Variants in TMEM237 observed in about 807,000 individuals in gnomAD.
The protein encoded by TMEM237 is transmembrane protein 237.
Under a neutral mutation model 59.1 loss-of-function variants are expected in TMEM237, and 51 were observed. The observed-to-expected ratio is 0.86, with a 90% CI of 0.69 to 1.09. TMEM237 has a LOEUF of 1.09. Among genes scored for constraint, TMEM237 ranks in the 50% least tolerant of loss-of-function variants. TMEM237 has a pLI of 0.00. For synonymous variants in TMEM237, 140 were observed against 166.1 expected, an observed-to-expected ratio of 0.84 and a Z score of 1.21; for missense variants, 475 against 478.3, an observed-to-expected ratio of 0.99 and a Z score of 0.06.
Position 201,643,415 on chromosome 2 carries a change from G to C in TMEM237, c.-15C>G. ...TCAGTCCTCATGGTGCTCTCCCCGC[G>C]GGGCTGCCCCGGCGCAACCGCCGGC... On this transcript the variant is annotated 5_prime_UTR_variant, in exon 1 of 13. Coordinates refer to ENST00000409883, the MANE Select transcript of TMEM237 (RefSeq NM_001044385.3). This position sits in a 1 kb window ranked among gnomAD's most constrained non-coding sequence, Gnocchi z 4.3. 1.3e-6 allele frequency: 2 copies of C among 1,500,930 alleles called. No homozygotes were observed. The highest frequency in any genetic ancestry group is 1.8e-6 in the Non-Finnish European group (2 of 1,123,822). The allele number at this position is 1,500,930 out of a possible 1,614,324, so 93.0% of individuals were successfully genotyped here. A position where few individuals can be genotyped will look rare whatever the true frequency, so the allele number is the denominator to read the frequency against.
At chr2:201,636,504 TTC>T (rs1270167193) in intron 5 of TMEM237, 4 of 390,206 alleles carry the variant, frequency 1.0e-5, no homozygotes, top group African/African-American at 6.3e-5. Context: ...GATCTGAACT[TTC>T]TGTTTAGTCC....
Position 201,620,349 on chromosome 2 carries a change from T to C in TMEM237, c.*3906A>G, listed in dbSNP as rs180747501. The stretch of plus-strand genomic sequence containing the variant: ...AAGGACCAACTCAAAGGTCAGCTTT[T>C]AGTTAACTCTTATATCCCCATACAC... On this transcript the variant is annotated 3_prime_UTR_variant, in exon 13 of 13. Coordinates refer to ENST00000409883, the MANE Select transcript of TMEM237 (RefSeq NM_001044385.3). The C allele has an allele frequency of 1.3e-5, 2 of 152,342 alleles. No homozygotes were observed. Among genetic ancestry groups the C allele is most frequent in the East Asian group, 1.9e-4 (1 of 5,194 alleles). 9.4% of individuals were successfully genotyped at this position (152,342 alleles called of 1,614,324 possible).
At chr2:201,628,040 G>A (rs1243603107) in intron 10 of TMEM237, 36 bp downstream of exon 10, 5 of 1,451,610 alleles carry the variant, frequency 3.4e-6, no homozygotes, top group African/African-American at 1.4e-5. Context: ...TATAACTGAA[G>A]TATTACACAG....
At position 201,643,221 on chromosome 2, in the gene TMEM237, A is replaced by G; in HGVS notation, c.42+138T>C. The G allele has an allele frequency of 1.0e-6, 1 of 958,708 alleles. No homozygotes were observed. The highest frequency in any genetic ancestry group is 1.7e-5 in the African/African-American group (1 of 58,810). The allele number at this position is 958,708 out of a possible 1,614,324, so 59.4% of individuals were successfully genotyped here. ...ATTCCTGTGAACACTGGAGGGGCGG[A>G]TGCGCGCACCCCACGAGCAAGGCCC... On this transcript the variant is annotated intron_variant, in intron 1 of 12. Coordinates refer to ENST00000409883, the MANE Select transcript of TMEM237 (RefSeq NM_001044385.3). This position sits in a 1 kb window ranked among gnomAD's most constrained non-coding sequence, Gnocchi z 4.3.
chr2:201,629,821 C>A lies in TMEM237; in HGVS notation c.585G>T (p.Leu195Phe). ...CATCTATGTTTTCTGTGGTCTTTAT[C>A]AACTCTGAACGATCAGCAGCCTGGA... is the stretch of plus-strand genomic sequence containing the variant. ...RRFQAADRSELIKTTENIDVS... is the reference protein window; with the variant it reads ...RRFQAADRSEFIKTTENIDVS... The change falls in exon 8 of 13, where the codon TTG becomes TTT. Residue 195 changes from leucine (L) to phenylalanine (F), a missense_variant. Coordinates refer to ENST00000409883, the MANE Select transcript of TMEM237 (RefSeq NM_001044385.3). The A allele has an allele frequency of 6.2e-7, 1 of 1,613,130 alleles. No homozygotes were observed. Among genetic ancestry groups the A allele is most frequent in the Non-Finnish European group, 8.5e-7 (1 of 1,179,690 alleles).
chr2:201,643,501 C>A lies in TMEM237; in HGVS notation c.-101G>T. On this transcript the variant is annotated 5_prime_UTR_variant, in exon 1 of 13. Coordinates refer to ENST00000409883, the MANE Select transcript of TMEM237 (RefSeq NM_001044385.3). This position sits in a 1 kb window ranked among gnomAD's most constrained non-coding sequence, Gnocchi z 4.3. ...CGGGACCTGTGGGACGCCGGGGCTT[C>A]GTGGCGCCTGGCGAGGCAGCCGCCC... The A allele has an allele frequency of 9.3e-7, 1 of 1,079,210 alleles. No homozygotes were observed. The highest frequency in any genetic ancestry group is 2.4e-5 in the South Asian group (1 of 41,136). The allele number at this position is 1,079,210 out of a possible 1,614,324, so 66.9% of individuals were successfully genotyped here. A position where few individuals can be genotyped will look rare whatever the true frequency, so the allele number is the denominator to read the frequency against.
intron 7 of TMEM237, chr2:201,631,445 C>CTTT: frequency 5.3e-5 from 8 of 152,320 alleles, no homozygotes; most frequent in African/African-American, 1.7e-4. Context: ...AACTATCTTG[C>CTTT]AAAAGAATAT....
intron 1 of TMEM237, chr2:201,642,659 C>A (rs759020103): frequency 6.2e-7 from 1 of 1,607,514 alleles, no homozygotes; most frequent in Non-Finnish European, 8.5e-7. Flanking sequence ...GGCCGCCGGC[C>A]CCCAAGCACC....
rs934595405 is a variant in TMEM237, at chr2:201,638,574, T to C, written c.136+415A>G. The C allele has an allele frequency of 5.6e-5, 9 of 159,626 alleles. No individual in the cohort carries two copies. The South Asian group carries it at 1.2e-3, about 21-fold the overall frequency. 9.9% of individuals were successfully genotyped at this position (159,626 alleles called of 1,614,324 possible). A position where few individuals can be genotyped will look rare whatever the true frequency, so the allele number is the denominator to read the frequency against. On this transcript the variant is annotated intron_variant, in intron 4 of 12. Coordinates refer to ENST00000409883, the MANE Select transcript of TMEM237 (RefSeq NM_001044385.3). ...TACTATTTAAATGATGATGTGGCCA[T>C]GCCTTCAGACTCATGCTGTAATGTA... is the stretch of plus-strand genomic sequence containing the variant.
Position 201,631,864 on chromosome 2 carries a change from C to T in TMEM237, c.553+187G>A, listed in dbSNP as rs531818700. On this transcript the variant is annotated intron_variant, in intron 7 of 12. Transcript: ENST00000409883. The stretch of plus-strand genomic sequence containing the variant: ...ACCACAACTTACTGACATTATTCCT[C>T]TCCTATTTCACATTTAGGTTGTTTC... Among the ~76,000 whole-genome samples, 6 of 152,296 alleles carry T rather than the reference C, an allele frequency of 3.9e-5. No individual in the cohort carries two copies. The South Asian group carries it at 1.2e-3, about 32-fold the overall frequency.
chr2:201,640,231 A>G, intron 3 of TMEM237, 30 bp downstream of exon 3: 2 of 1,541,292 alleles, frequency 1.3e-6, no homozygotes, highest in Non-Finnish European at 1.7e-6. Flanking sequence ...TTTGAACACC[A>G]AATATTATAT....
At position 201,621,815 on chromosome 2, in the gene TMEM237, A is replaced by G. The variant is rs940256106; in HGVS notation, c.*2440T>C. The G allele has an allele frequency of 1.3e-5, 2 of 152,652 alleles. No homozygotes were observed. The highest frequency in any genetic ancestry group is 4.8e-5 in the African/African-American group (2 of 41,456). 9.5% of individuals were successfully genotyped at this position (152,652 alleles called of 1,614,324 possible). On this transcript the variant is annotated 3_prime_UTR_variant, in exon 13 of 13. Coordinates refer to ENST00000409883, the MANE Select transcript of TMEM237 (RefSeq NM_001044385.3). ...TTGGACTGGATCAGCTTGCATGTCA[A>G]TCTAGTCCACTGTAAGCTGGAGAAA...
Position 201,643,395 on chromosome 2 carries a change from C to T in TMEM237, c.6G>A (p.Arg2=). The T allele has an allele frequency of 1.3e-6, 2 of 1,534,066 alleles. No homozygotes were observed. Among genetic ancestry groups the T allele is most frequent in the South Asian group, 1.2e-5 (1 of 82,592 alleles). The change falls in exon 1 of 13, where the codon AGG becomes AGA. Residue 2 remains arginine (R), a synonymous_variant. Transcript: ENST00000409883. The surrounding 1 kb of genome is among the most constrained non-coding windows in gnomAD (Gnocchi z 4.3). ...CCTCCAGCCGAGCCCCCGAGTCAGT[C>T]CTCATGGTGCTCTCCCCGCGGGGCT... M[R]TDSGARLEEG...
Position 201,624,067 on chromosome 2 carries a change from G to C in TMEM237, c.*188C>G. The C allele has an allele frequency of 2.3e-6, 1 of 436,040 alleles. No homozygotes were observed. Among genetic ancestry groups the C allele is most frequent in the Non-Finnish European group, 4.0e-6 (1 of 247,812 alleles). The allele number at this position is 436,040 out of a possible 1,614,324, so 27.0% of individuals were successfully genotyped here. On this transcript the variant is annotated 3_prime_UTR_variant, in exon 13 of 13. Coordinates refer to ENST00000409883, the MANE Select transcript of TMEM237 (RefSeq NM_001044385.3). Reference sequence around the variant, plus strand: ...CTTTGTCATTAAGATGATAATGCTAGACAAATTAATGTTTAGACATAAACA... The same window carrying C: ...CTTTGTCATTAAGATGATAATGCTACACAAATTAATGTTTAGACATAAACA...
chr2:201,642,798 G>C (rs1162083935), intron 1 of TMEM237: 8 of 1,410,518 alleles, frequency 5.7e-6, no homozygotes, highest in Non-Finnish European at 7.3e-6. Flanking sequence ...CAGGGACCTG[G>C]ATTGGCCAGT....
intron 7 of TMEM237, 103 bp from the exon 8 acceptor site, chr2:201,629,955 A>G (rs1422072177): frequency 7.0e-7 from 1 of 1,428,796 alleles, no homozygotes; most frequent in African/African-American, 1.5e-5. Flanking sequence ...CTAAGACTGA[A>G]ATATTGCTGT....
chr2:201,635,912 T>C lies in TMEM237; in HGVS notation c.274+836A>G, dbSNP rs1469585780. Among the ~76,000 whole-genome samples the C allele has an allele frequency of 2.6e-5, 4 of 152,242 alleles. No individual in the cohort carries two copies. Among genetic ancestry groups the C allele is most frequent in the African/African-American group, 9.6e-5 (4 of 41,464 alleles). ...CTGTTGTTTGAAGTCACACAGTTTGTGGTAATTTGTTATGGCAACCCTAAG... is the reference window on the plus strand; with the variant it reads ...CTGTTGTTTGAAGTCACACAGTTTGCGGTAATTTGTTATGGCAACCCTAAG... On this transcript the variant is annotated intron_variant, in intron 5 of 12. Transcript: ENST00000409883. The surrounding 1 kb of genome is among the most constrained non-coding windows in gnomAD (Gnocchi z 4.5).
chr2:201,640,899 A>G lies in TMEM237; in HGVS notation c.68T>C (p.Val23Ala). ...TACTGTAAATTATTTTTACCTTGGC[A>G]CAGGTGGAAGAGCTCGTGGAGGACG... ...HLRPPRALPPVPSQDDIPLSR... is the reference protein window; with the variant it reads ...HLRPPRALPPAPSQDDIPLSR... Residue 23 changes from valine (V) to alanine (A), a missense_variant, in exon 2 of 13, where the codon GTG (valine) becomes GCG (alanine). By Grantham distance (64) the Val-to-Ala change is moderately conservative. Coordinates refer to ENST00000409883, the MANE Select transcript of TMEM237 (RefSeq NM_001044385.3). 8.8e-6 allele frequency: 14 copies of G among 1,598,672 alleles called. No individual in the cohort carries two copies. Among genetic ancestry groups the G allele is most frequent in the Non-Finnish European group, 1.2e-5 (14 of 1,169,352 alleles).
At chr2:201,630,457 T>G (rs1178861499) in intron 7 of TMEM237, among the ~76,000 whole-genome samples, 1 of 152,170 alleles carries the variant, frequency 6.6e-6, no homozygotes, top group African/African-American at 2.4e-5. Flanking sequence ...AGGCTCCTTC[T>G]TGTATATCTA....
Sources: gnomAD v4.1 joint callset for allele counts (sites outside exome capture counted in the v4.1 genomes callset) on GRCh38, gnomAD v4.1.1 for gene constraint, Gnocchi (gnomAD v3.1) non-coding constraint, MANE v1.5 for transcripts, NCBI Gene and HGNC (gene_info 2026-07-23, HGNC 2026-07-21) for gene names.